NEBL: variants seen among roughly 807,000 people sequenced by gnomAD.
The protein encoded by NEBL is nebulette.
A neutral mutation model predicts 140.2 loss-of-function variants in NEBL; 122 were observed. The ratio of observed to expected loss-of-function variants is 0.87; its 90% CI spans 0.75 to 1.01. NEBL has a LOEUF of 1.01. Ranked by LOEUF, NEBL falls within the 50% of genes least tolerant of loss-of-function variation. NEBL has a pLI of 0.00. For synonymous variants in NEBL, 436 were observed against 398.9 expected, an observed-to-expected ratio of 1.09 and a Z score of -1.11; for missense variants, 1,365 against 1,231.3, an observed-to-expected ratio of 1.11 and a Z score of -1.62.
intron 2 of NEBL, among the ~76,000 whole-genome samples, chr10:21,044,261 G>A (rs1163635895): frequency 6.6e-6 from 1 of 151,968 alleles, no homozygotes; most frequent in Admixed American, 6.6e-5. Flanking sequence ...GCTGGGCGTG[G>A]TGGTGGGCGC....
At chr10:20,968,374 G>C (rs1479716436) in intron 3 of NEBL, among the ~76,000 whole-genome samples, 1 of 151,938 alleles carries the variant, frequency 6.6e-6, no homozygotes, top group Non-Finnish European at 1.5e-5. Context: ...AGCCAGGCAT[G>C]GTGGTACATA....
At chr10:21,284,492 T>C (rs1227446126) in intron 1 of NEBL, among the ~76,000 whole-genome samples, 3 of 150,626 alleles carry the variant, frequency 2.0e-5, no homozygotes, top group East Asian at 4.0e-4. Context: ...TCAATAGCCA[T>C]CTGTTTGTTC....
chr10:21,179,457 A>C (rs1589317577), upstream of NEBL, among the ~76,000 whole-genome samples: 1 of 150,052 alleles, frequency 6.7e-6, no homozygotes, highest in African/African-American at 2.5e-5. Context: ...CATCCCCCTT[A>C]CCCCTACCAA....
intron 1 of NEBL, among the ~76,000 whole-genome samples, chr10:21,274,292 A>AT (rs1842892964): frequency 6.6e-6 from 1 of 152,228 alleles, no homozygotes; most frequent in Non-Finnish European, 1.5e-5. Flanking sequence ...AAATCCATGT[A>AT]TAACTTTTGA....
At chr10:21,140,394 A>C (rs1839576151) in intron 2 of NEBL, among the ~76,000 whole-genome samples, 1 of 152,212 alleles carries the variant, frequency 6.6e-6, no homozygotes, top group African/African-American at 2.4e-5. Flanking sequence ...GTGTTTGCTA[A>C]GGTCTTCAGG....
At chr10:20,902,221 G>A (rs1466747551), upstream of NEBL, among the ~76,000 whole-genome samples, 3 of 152,014 alleles carry the variant, frequency 2.0e-5, no homozygotes, top group Non-Finnish European at 4.4e-5. Flanking sequence ...GGCTAACACT[G>A]TGAAACCCCG....
At chr10:21,097,344 A>G (rs910170933) in intron 2 of NEBL, among the ~76,000 whole-genome samples, 7 of 152,180 alleles carry the variant, frequency 4.6e-5, no homozygotes, top group African/African-American at 1.7e-4. Flanking sequence ...CTGTAATCTC[A>G]GCAACTCAGG....
At chr10:21,109,423 G>C (rs543791993) in intron 2 of NEBL, among the ~76,000 whole-genome samples, 1 of 152,194 alleles carries the variant, frequency 6.6e-6, no homozygotes, top group Admixed American at 6.5e-5. Context: ...GAGGATTTTC[G>C]CATCAATGTT....
chr10:21,106,611 A>G (rs1837728523), intron 2 of NEBL, among the ~76,000 whole-genome samples: 1 of 152,198 alleles, frequency 6.6e-6, no homozygotes, highest in Non-Finnish European at 1.5e-5. Flanking sequence ...GTTTGAAGTC[A>G]GGTAGCACGA....
chr10:21,022,293 T>A (rs1838829810), intron 2 of NEBL, among the ~76,000 whole-genome samples: 1 of 152,110 alleles, frequency 6.6e-6, no homozygotes, highest in South Asian at 2.1e-4. Flanking sequence ...TCCTCACTGT[T>A]TCAAACTCGA....
intron 3 of NEBL, among the ~76,000 whole-genome samples, chr10:21,239,075 T>C (rs1432288507): frequency 6.6e-6 from 1 of 152,128 alleles, no homozygotes; most frequent in Non-Finnish European, 1.5e-5. Flanking sequence ...TCAAGATAAA[T>C]ACATCTTTTG....
rs764678922 is a variant in NEBL at position 20,831,572 on chromosome 10, T to G, written c.1461A>C (p.Lys487Asn). The G allele has an allele frequency of 8.7e-6, 14 of 1,602,042 alleles. No homozygotes were observed. Among genetic ancestry groups the G allele is most frequent in the Non-Finnish European group, 1.2e-5 (14 of 1,169,790 alleles). Residue 487 changes from lysine to asparagine, a missense_variant, in exon 15 of 28, where the codon AAA (lysine) becomes AAC (asparagine). Lys to Asn is a moderately conservative substitution (Grantham distance 94). This residue lies in a region of NEBL where 1,323 missense variants were observed against 1,154.8 expected (regional missense o/e 1.15). Coordinates refer to ENST00000377122, the MANE Select transcript of NEBL (RefSeq NM_006393.3). ...CTTTAATTTCAGTCTCCAGATCTCT[T>G]TTATAGTCTTTCTGCAGAAAATGAA... The part of the protein sequence containing the change: ...AAEIASEKDY[K>N]RDLETEIKGK...
At chr10:21,076,457 A>G (rs1469030016) in intron 2 of NEBL, among the ~76,000 whole-genome samples, 1 of 133,228 alleles carries the variant, frequency 7.5e-6, no homozygotes, top group East Asian at 2.0e-4. Context: ...AAAAAAAAAA[A>G]AAAAAAAAAA....
chr10:21,290,962 G>A (rs549060336), intron 1 of NEBL, among the ~76,000 whole-genome samples: 1 of 152,212 alleles, frequency 6.6e-6, no homozygotes, highest in South Asian at 2.1e-4. Flanking sequence ...CATTTCAGCA[G>A]ACTGGAACCT....
At chr10:21,091,907 C>T (rs962518618) in intron 2 of NEBL, among the ~76,000 whole-genome samples, 1 of 152,226 alleles carries the variant, frequency 6.6e-6, no homozygotes, top group Non-Finnish European at 1.5e-5. Context: ...GCTGGGATTA[C>T]CGGCAAGAGC....
chr10:20,872,281 T>C (rs1481248793), intron 5 of NEBL, among the ~76,000 whole-genome samples: 1 of 152,052 alleles, frequency 6.6e-6, no homozygotes, highest in Non-Finnish European at 1.5e-5. Context: ...AATATTAAGA[T>C]TGACATGAAC....
In NEBL at chr10:20,889,863, G is replaced by A. The variant is rs727503337; in HGVS notation, c.240C>T (p.Ile80=). The A allele has an allele frequency of 1.9e-4, 308 of 1,610,428 alleles. 1 individual carries two copies. Among genetic ancestry groups the A allele is most frequent in the Middle Eastern group, 3.3e-4 (2 of 6,070 alleles). The change falls in exon 3 of 28, where the codon ATC becomes ATT. Residue 80 remains isoleucine (I), a synonymous_variant. Coordinates refer to ENST00000377122, the MANE Select transcript of NEBL (RefSeq NM_006393.3). ...DSPMLNHVKN[I]GAFISEAKYK... The stretch of plus-strand genomic sequence containing the variant: ...ACCTTACCTCAGAAATAAAAGCACC[G>A]ATATTTTTTACATGGTTTAGCATAG...
intron 2 of NEBL, among the ~76,000 whole-genome samples, chr10:21,078,500 C>T (rs1009488240): frequency 6.6e-6 from 1 of 152,170 alleles, no homozygotes; most frequent in African/African-American, 2.4e-5. Flanking sequence ...ATTTGTCATC[C>T]TGAGTTTCAC....
chr10:21,214,842 C>T (rs890269740), intron 3 of NEBL, among the ~76,000 whole-genome samples: 4 of 152,170 alleles, frequency 2.6e-5, no homozygotes, highest in African/African-American at 9.7e-5. Flanking sequence ...ATATTAGTGT[C>T]TTTAAAGAGA....
Sources: allele counts gnomAD v4.1 joint callset (sites outside exome capture counted in the v4.1 genomes callset), GRCh38; gene constraint gnomAD v4.1.1; regional missense constraint gnomAD v4.1.1; transcripts MANE v1.5; gene names NCBI Gene and HGNC (gene_info 2026-07-23, HGNC 2026-07-21).